MAGI1: variants seen among roughly 807,000 people sequenced by gnomAD.
MAGI1 encodes the protein membrane associated guanylate kinase, WW and PDZ domain containing 1.
In MAGI1, 58 loss-of-function variants were observed where a neutral mutation model predicts 139.9. The ratio of observed to expected loss-of-function variants is 0.41; its 90% CI spans 0.34 to 0.52. MAGI1 has a LOEUF of 0.52. MAGI1 is among the 20% of genes least tolerant of loss of function. The pLI, the probability that MAGI1 is intolerant of heterozygous loss-of-function variation, is 0.12. For missense variants in MAGI1, 1,874 were observed against 1,901.6 expected (o/e 0.99, Z 0.27); for synonymous variants, 812 against 737.9 (o/e 1.10, Z -1.63).
intron 2 of MAGI1, among the ~76,000 whole-genome samples, chr3:65,599,777 C>A (rs536966767): frequency 6.6e-6 from 1 of 152,154 alleles, no homozygotes; most frequent in African/African-American, 2.4e-5. Context: ...GAACAGCTCC[C>A]AGGGCTTCAA....
chr3:65,753,682 C>G (rs2036339171), intron 1 of MAGI1, among the ~76,000 whole-genome samples: 1 of 146,370 alleles, frequency 6.8e-6, no homozygotes, highest in South Asian at 2.2e-4. Flanking sequence ...GATCGCACCA[C>G]CACAAACTCC....
chr3:65,766,681 TG>T (rs1392042669), intron 1 of MAGI1, among the ~76,000 whole-genome samples: 8 of 151,994 alleles, frequency 5.3e-5, no homozygotes, highest in African/African-American at 1.9e-4. Context: ...CTTGAGGTCA[TG>T]AGTTTGAGAC....
intron 1 of MAGI1, among the ~76,000 whole-genome samples, chr3:66,022,115 A>G (rs2067999332): frequency 6.6e-6 from 1 of 152,054 alleles, no homozygotes; most frequent in African/African-American, 2.4e-5. Flanking sequence ...CCTTCCACCA[A>G]AAAAAAGCCT....
At chr3:65,646,430 G>A (rs2085263811) in intron 1 of MAGI1, among the ~76,000 whole-genome samples, 1 of 151,806 alleles carries the variant, frequency 6.6e-6, no homozygotes, top group Admixed American at 6.6e-5. Context: ...AAAGAGAAAG[G>A]AACAAATCAA....
chr3:65,744,727 C>G (rs190538008), intron 1 of MAGI1, among the ~76,000 whole-genome samples: 1 of 151,080 alleles, frequency 6.6e-6, no homozygotes, highest in Non-Finnish European at 1.5e-5. Flanking sequence ...GAAAAAGATG[C>G]GAAAGTATTA....
intron 1 of MAGI1, among the ~76,000 whole-genome samples, chr3:65,980,951 G>C (rs2065541246): frequency 6.6e-6 from 1 of 152,076 alleles, no homozygotes. Flanking sequence ...TTGAGGTCAG[G>C]AGTTCGAGAC....
chr3:65,437,815 C>T (rs1311856372), intron 9 of MAGI1, among the ~76,000 whole-genome samples: 1 of 152,186 alleles, frequency 6.6e-6, no homozygotes, highest in African/African-American at 2.4e-5. Context: ...GCTCAGCTAA[C>T]ATATTCAATT....
intron 2 of MAGI1, among the ~76,000 whole-genome samples, chr3:65,599,127 AAAT>A (rs1454375806): frequency 6.6e-6 from 1 of 152,120 alleles, no homozygotes; most frequent in Non-Finnish European, 1.5e-5. Flanking sequence ...AATGCCAAGA[AAAT>A]AGGGCAAGAG....
At position 65,709,327 on chromosome 3, in the gene MAGI1, A is replaced by G. The variant is rs192219740; in HGVS notation, c.314-87239T>C. Among the ~76,000 whole-genome samples, 22 of 152,288 alleles carry G rather than the reference A, an allele frequency of 1.4e-4. No homozygotes were observed. The East Asian group carries it at 3.5e-3, about 24-fold the overall frequency. ...TGCTATCTCTTTTTTTTCCAGTCCA[A>G]TGCTTAGCACACTGGATTACAGAGC... is the stretch of plus-strand genomic sequence containing the variant. On this transcript the variant is annotated intron_variant, in intron 1 of 22. Transcript: ENST00000402939.
chr3:65,516,471 C>T (rs1220875498), intron 2 of MAGI1, among the ~76,000 whole-genome samples: 2 of 152,020 alleles, frequency 1.3e-5, no homozygotes, highest in Non-Finnish European at 2.9e-5. Context: ...GCCACCGTGC[C>T]TGGCCGACCC....
chr3:65,775,509 A>G (rs2038331597), intron 1 of MAGI1, among the ~76,000 whole-genome samples: 1 of 148,872 alleles, frequency 6.7e-6, no homozygotes, highest in African/African-American at 2.5e-5. Context: ...TGCCAAAAAA[A>G]AAAAAAAAAA....
chr3:65,921,576 C>T (rs986436802), intron 1 of MAGI1, among the ~76,000 whole-genome samples: 1 of 152,062 alleles, frequency 6.6e-6, no homozygotes, highest in African/African-American at 2.4e-5. Flanking sequence ...TCCCAAAGTA[C>T]TGGAATCATA....
At chr3:65,714,779 A>G (rs1164647491) in intron 1 of MAGI1, among the ~76,000 whole-genome samples, 2 of 152,138 alleles carry the variant, frequency 1.3e-5, no homozygotes, top group Non-Finnish European at 2.9e-5. Context: ...CTTAAGTGCC[A>G]TTATCATAAA....
chr3:65,550,619 T>C (rs1298969552), intron 2 of MAGI1, among the ~76,000 whole-genome samples: 1 of 152,134 alleles, frequency 6.6e-6, no homozygotes, highest in East Asian at 1.9e-4. Flanking sequence ...TTGACTAAAC[T>C]GGGATTGGCC....
intron 2 of MAGI1, among the ~76,000 whole-genome samples, chr3:65,584,333 G>C (rs1282977297): frequency 6.6e-6 from 1 of 152,130 alleles, no homozygotes; most frequent in African/African-American, 2.4e-5. Flanking sequence ...TAGGAACCCA[G>C]ATGCTATATC....
intron 12 of MAGI1, among the ~76,000 whole-genome samples, chr3:65,421,376 C>T (rs571631320): frequency 7.6e-4 from 115 of 152,258 alleles, no homozygotes; most frequent in Non-Finnish European, 1.4e-3. Context: ...TGTTAGGCAG[C>T]ACGTTGGATG....
intron 1 of MAGI1, among the ~76,000 whole-genome samples, chr3:66,010,622 G>A (rs574622562): frequency 1.3e-5 from 2 of 152,284 alleles, no homozygotes; most frequent in East Asian, 1.9e-4. Flanking sequence ...CTGGCTATAT[G>A]GGGCTCTGAT....
intron 2 of MAGI1, among the ~76,000 whole-genome samples, chr3:65,527,797 C>G (rs1275286991): frequency 6.6e-6 from 1 of 151,334 alleles, no homozygotes; most frequent in Non-Finnish European, 1.5e-5. Context: ...TGCCTGCAAT[C>G]CCAACTACTC....
intron 2 of MAGI1, among the ~76,000 whole-genome samples, chr3:65,574,241 GTA>G (rs35530951): frequency 0.11 from 16,211 of 148,582 alleles, 1,248 homozygotes; most frequent in African/African-American, 0.21. Flanking sequence ...ATATATATAT[GTA>G]TATATATATA....
Sources: gnomAD v4.1 joint callset for allele counts (sites outside exome capture counted in the v4.1 genomes callset) on GRCh38, gnomAD v4.1.1 for gene constraint, MANE v1.5 for transcripts, NCBI Gene and HGNC (gene_info 2026-07-23, HGNC 2026-07-21) for gene names.